The following CALN1 variants were observed in gnomAD, a reference collection of about 807,000 sequenced individuals.
The protein encoded by CALN1 is calneuron 1, also known as calcium-binding protein 8.
Under a neutral mutation model 30.6 loss-of-function variants are expected in CALN1, and 17 were observed. The observed-to-expected ratio is 0.56, with a 90% CI of 0.38 to 0.83. The LOEUF is 0.83. Ranked by LOEUF, CALN1 falls within the 40% of genes least tolerant of loss-of-function variation. The probability of loss-of-function intolerance (pLI) is 0.00; values close to 1 mark genes in which losing one functional copy is unlikely to be tolerated. For synonymous variants in CALN1, 156 were observed against 131.4 expected (o/e 1.19, Z -1.28); for missense variants, 291 against 354.9 (o/e 0.82, Z 1.45).
At chr7:72,117,716 G>C (rs1265492605) in intron 3 of CALN1, among the ~76,000 whole-genome samples, 2 of 152,080 alleles carry the variant, frequency 1.3e-5, no homozygotes, top group Non-Finnish European at 2.9e-5. Flanking sequence ...TCAGCACTTT[G>C]GGAGGCCAAG....
At chr7:72,264,104 T>C (rs1796457065) in intron 3 of CALN1, among the ~76,000 whole-genome samples, 1 of 152,196 alleles carries the variant, frequency 6.6e-6, no homozygotes, top group African/African-American at 2.4e-5. Flanking sequence ...CTAATTGGTT[T>C]ATATGACCTT....
intron 6 of CALN1, among the ~76,000 whole-genome samples, chr7:71,788,488 G>GTTTTTTTTTTT (rs1454582383): frequency 2.5e-5 from 3 of 120,502 alleles, no homozygotes; most frequent in Non-Finnish European, 5.1e-5. Flanking sequence ...GTTTTTTTTT[G>GTTTTTTTTTTT]TTGTTTTTTT....
intron 1 of CALN1, among the ~76,000 whole-genome samples, chr7:72,406,532 C>T (rs1174382900): frequency 6.6e-6 from 1 of 152,096 alleles, no homozygotes; most frequent in African/African-American, 2.4e-5. Context: ...AAAGGTCAGC[C>T]GGAAGGAGCT....
At chr7:72,503,153 G>GA in the CALN1 span, among the ~76,000 whole-genome samples, 75 of 148,302 alleles carry the variant, frequency 5.1e-4, no homozygotes, top group Middle Eastern at 3.4e-3. Context: ...CTCAAAAAAA[G>GA]AAAAAAAAAA....
intron 2 of CALN1, among the ~76,000 whole-genome samples, chr7:72,357,138 A>C (rs967782768): frequency 6.6e-6 from 1 of 151,994 alleles, no homozygotes; most frequent in African/African-American, 2.4e-5. Context: ...ACCTTTCCCT[A>C]TGAATGCCAA....
chr7:72,466,669 G>A, the CALN1 span, among the ~76,000 whole-genome samples: 1 of 151,946 alleles, frequency 6.6e-6, no homozygotes, highest in African/African-American at 2.4e-5. Flanking sequence ...CTTGAATCCA[G>A]GAGGCGGAGT....
At chr7:72,467,576 C>G in the CALN1 span, among the ~76,000 whole-genome samples, 1 of 152,174 alleles carries the variant, frequency 6.6e-6, no homozygotes, top group Non-Finnish European at 1.5e-5. Context: ...CTCCCTCACT[C>G]TAGCCCTCTG....
At chr7:71,931,836 G>A (rs191350530) in intron 5 of CALN1, among the ~76,000 whole-genome samples, 21 of 151,390 alleles carry the variant, frequency 1.4e-4, no homozygotes, top group African/African-American at 5.1e-4. Flanking sequence ...TCTTCCCAAA[G>A]TGTAGAGGAG....
chr7:71,858,262 C>T (rs907417053), intron 5 of CALN1, among the ~76,000 whole-genome samples: 1 of 152,152 alleles, frequency 6.6e-6, no homozygotes, highest in African/African-American at 2.4e-5. Flanking sequence ...GACGTGTTTG[C>T]TTCATCTCCT....
chr7:72,232,581 C>G (rs1390025585), intron 3 of CALN1, among the ~76,000 whole-genome samples: 1 of 151,760 alleles, frequency 6.6e-6, no homozygotes, highest in Admixed American at 6.6e-5. Context: ...CTGCCTCAGC[C>G]TCCCAAACAG....
chr7:72,413,115 A>G (rs1807280759), upstream of CALN1, among the ~76,000 whole-genome samples: 1 of 152,108 alleles, frequency 6.6e-6, no homozygotes, highest in Non-Finnish European at 1.5e-5. Flanking sequence ...TTAGACACAT[A>G]TGCACACATA....
intron 3 of CALN1, among the ~76,000 whole-genome samples, chr7:72,185,115 T>C (rs1790086780): frequency 6.6e-6 from 1 of 152,090 alleles, no homozygotes; most frequent in Non-Finnish European, 1.5e-5. Context: ...TAGGCATCTC[T>C]GTTGAATTAG....
intron 1 of CALN1, among the ~76,000 whole-genome samples, chr7:72,411,246 G>A (rs1251017848): frequency 6.6e-6 from 1 of 152,082 alleles, no homozygotes; most frequent in African/African-American, 2.4e-5. Flanking sequence ...TCAAGTTAAT[G>A]GCTTAACTAC....
At chr7:72,015,310 C>T (rs1041821774) in intron 5 of CALN1, among the ~76,000 whole-genome samples, 2 of 152,220 alleles carry the variant, frequency 1.3e-5, no homozygotes, top group Admixed American at 6.5e-5. Flanking sequence ...CCAGCGTTGA[C>T]GTCACCCAGA....
At chr7:72,379,489 A>C (rs954535916) in intron 2 of CALN1, among the ~76,000 whole-genome samples, 2 of 152,198 alleles carry the variant, frequency 1.3e-5, no homozygotes, top group African/African-American at 4.8e-5. Context: ...AAGTCACTCA[A>C]CCTCTACAAG....
intron 5 of CALN1, among the ~76,000 whole-genome samples, chr7:72,015,428 TCTTTC>T (rs1382838117): frequency 7.2e-6 from 1 of 138,064 alleles, no homozygotes; most frequent in African/African-American, 3.4e-5. Flanking sequence ...TGCATTTCTT[TCTTTC>T]TTTTTTTTTT....
At chr7:71,970,249 T>G (rs1273177407) in intron 5 of CALN1, among the ~76,000 whole-genome samples, 2 of 152,184 alleles carry the variant, frequency 1.3e-5, no homozygotes, top group Non-Finnish European at 2.9e-5. Context: ...ACAGGTTGGA[T>G]AGTCATTTGA....
chr7:72,465,044 C>A, the CALN1 span, among the ~76,000 whole-genome samples: 8 of 152,124 alleles, frequency 5.3e-5, no homozygotes, highest in Non-Finnish European at 1.0e-4. Flanking sequence ...CCAGCTCAGA[C>A]TTCAGAGTCC....
At chr7:72,218,586 G>A (rs934249401) in intron 3 of CALN1, among the ~76,000 whole-genome samples, 6 of 152,188 alleles carry the variant, frequency 3.9e-5, no homozygotes, top group Non-Finnish European at 8.8e-5. Flanking sequence ...TCTCTAACCT[G>A]ACCATGTAGA....
Sources: allele counts gnomAD v4.1 joint callset (sites outside exome capture counted in the v4.1 genomes callset), GRCh38; gene constraint gnomAD v4.1.1; transcripts MANE v1.5; gene names NCBI Gene and HGNC (gene_info 2026-07-23, HGNC 2026-07-21).